ING2: variants seen among roughly 807,000 people sequenced by gnomAD.
ING2 encodes the protein inhibitor of growth protein 2.
A neutral mutation model predicts 30.6 loss-of-function variants in ING2; 7 were observed. That is an observed-to-expected ratio of 0.23 (90% confidence interval 0.13 to 0.43). The LOEUF (loss-of-function observed/expected upper bound fraction) is 0.43, where lower values mean the gene tolerates loss of function less well. Ranked by LOEUF, ING2 falls within the 20% of genes least tolerant of loss-of-function variation. ING2 has a pLI of 1.00. For missense variants in ING2, 239 were observed against 334.9 expected (o/e 0.71, Z 2.24); for synonymous variants, 136 against 121.7 (o/e 1.12, Z -0.78).
intron 1 of ING2, among the ~76,000 whole-genome samples, chr4:183,506,928 G>A (rs1734662662): frequency 2.0e-5 from 3 of 152,294 alleles, no homozygotes; most frequent in East Asian, 1.9e-4. Flanking sequence ...GCCTGCTACT[G>A]TAGATGCATA....
chr4:183,505,618 C>T (rs988885431), intron 1 of ING2, among the ~76,000 whole-genome samples: 4 of 152,090 alleles, frequency 2.6e-5, no homozygotes, highest in African/African-American at 9.7e-5. Flanking sequence ...GCTGCAGCTG[C>T]CGCTGAGGGG....
Position 183,510,468 on chromosome 4 carries a change from TACACTC to T in ING2, c.363_368del (p.His121_Ser122del). ...GAAAATCGGGCAAGACAAATGGAGTTACACTCACAGTGTTTCCAAGATCCTGCTGAA... is the reference window on the plus strand; with the variant it reads ...GAAAATCGGGCAAGACAAATGGAGTTACAGTGTTTCCAAGATCCTGCTGAA... On this transcript the variant is annotated inframe_deletion, in exon 2 of 2. Transcript: ENST00000302327. 1 of 1,614,154 alleles carries T rather than the reference TACACTC, an allele frequency of 6.2e-7. No individual in the cohort carries two copies. The highest frequency in any genetic ancestry group is 8.5e-7 in the Non-Finnish European group (1 of 1,180,026).
intron 1 of ING2, among the ~76,000 whole-genome samples, chr4:183,509,191 G>A (rs1734754498): frequency 1.3e-5 from 2 of 152,308 alleles, no homozygotes; most frequent in Admixed American, 6.5e-5. Flanking sequence ...TGAAAGTGAA[G>A]CTATATCTCC....
rs778784226 is a variant in ING2, at chr4:183,505,186, G to A, written c.-10G>A. 4 of 1,593,434 alleles carry A rather than the reference G, an allele frequency of 2.5e-6. No individual in the cohort carries two copies. The highest frequency in any genetic ancestry group is 2.4e-5 in the East Asian group (1 of 42,434). Reference sequence around the variant, plus strand: ...ATGCGGAGGCGGCGGCGACGGCGCGGATCGGCAGGATGTTAGGGCAGCAGC... The same window carrying A: ...ATGCGGAGGCGGCGGCGACGGCGCGAATCGGCAGGATGTTAGGGCAGCAGC... On this transcript the variant is annotated 5_prime_UTR_variant, in exon 1 of 2. Coordinates refer to ENST00000302327, the MANE Select transcript of ING2 (RefSeq NM_001564.4).
rs1022554438 is a variant in ING2 at position 183,506,402 on chromosome 4, C to T, written c.172+1035C>T. ...GGCAACCGCCTGGCGTCCCCGAGCC[C>T]CTCCTTCTCCGACTTTAAGTGTGGA... is the stretch of plus-strand genomic sequence containing the variant. On this transcript the variant is annotated intron_variant, in intron 1 of 1. Coordinates refer to ENST00000302327, the MANE Select transcript of ING2 (RefSeq NM_001564.4). 4 of 972,484 alleles carry T rather than the reference C, an allele frequency of 4.1e-6. No homozygotes were observed. In the Admixed American group the frequency reaches 7.0e-5, roughly 17 times the overall value. The allele number at this position is 972,484 out of a possible 1,614,324, so 60.2% of individuals were successfully genotyped here.
At chr4:183,505,490 T>C (rs557354686) in intron 1 of ING2, 123 bp downstream of exon 1, 1 of 997,094 alleles carries the variant, frequency 1.0e-6, no homozygotes, top group East Asian at 3.2e-5. Context: ...CGAGCGGGAC[T>C]GGGAGGACTG....
chr4:183,505,973 G>T (rs571203416), intron 1 of ING2: 28 of 612,656 alleles, frequency 4.6e-5, no homozygotes, highest in South Asian at 2.2e-4. Context: ...AGTTCTTTCG[G>T]CAAAATGGTT....
chr4:183,506,915 A>G (rs934761285), intron 1 of ING2, among the ~76,000 whole-genome samples: 1 of 152,256 alleles, frequency 6.6e-6, no homozygotes, highest in African/African-American at 2.4e-5. Flanking sequence ...ATTTGGCTCC[A>G]GAGCCTGCTA....
At chr4:183,505,851 C>T (rs940896204) in intron 1 of ING2, among the ~76,000 whole-genome samples, 1 of 151,974 alleles carries the variant, frequency 6.6e-6, no homozygotes, top group Non-Finnish European at 1.5e-5. Context: ...GCCGCGGAGG[C>T]GGACTGAGGG....
Position 183,510,567 on chromosome 4 carries a change from G to A in ING2, c.458G>A (p.Arg153His), listed in dbSNP as rs760325949. 5 of 1,614,028 alleles carry A rather than the reference G, an allele frequency of 3.1e-6. No homozygotes were observed. The highest frequency in any genetic ancestry group is 3.4e-6 in the Non-Finnish European group (4 of 1,180,042). The change falls in exon 2 of 2, where the codon CGC becomes CAC. Residue 153 changes from arginine (R) to histidine (H), a missense_variant. This residue lies in a region of ING2 where 115 missense variants were observed against 120.1 expected (regional missense o/e 0.96). Transcript: ENST00000302327. ...SQPERSSRRP[R>H]RQRTSESRDL... ...CCAGAAAGATCTTCAAGAAGACCCC[G>A]CAGGCAGCGGACCAGTGAAAGCCGT...
intron 1 of ING2, among the ~76,000 whole-genome samples, chr4:183,507,593 T>C (rs1734681991): frequency 6.6e-6 from 1 of 152,214 alleles, no homozygotes; most frequent in Non-Finnish European, 1.5e-5. Flanking sequence ...ATTATACAAA[T>C]TCTTAGCTCT....
chr4:183,510,766 A>G lies in ING2; in HGVS notation c.657A>G (p.Gln219=), dbSNP rs1734804066. The change falls in exon 2 of 2, where the codon CAA becomes CAG. Residue 219 remains glutamine (Q), a synonymous_variant. Transcript: ENST00000302327. ...PNEPTYCLCN[Q]VSYGEMIGCD... ...AACCTACATACTGCTTATGCAACCAAGTGTCTTATGGGGAGATGATAGGAT... is the reference window on the plus strand; with the variant it reads ...AACCTACATACTGCTTATGCAACCAGGTGTCTTATGGGGAGATGATAGGAT... 8 of 1,614,066 alleles carry G rather than the reference A, an allele frequency of 5.0e-6. No individual in the cohort carries two copies. The highest frequency in any genetic ancestry group is 1.3e-5 in the African/African-American group (1 of 74,918).
chr4:183,506,653 A>T (rs1734656829), intron 1 of ING2, among the ~76,000 whole-genome samples: 1 of 152,212 alleles, frequency 6.6e-6, no homozygotes, highest in Admixed American at 6.5e-5. Flanking sequence ...TTTTGTAGAC[A>T]CGCCAGTAAT....
chr4:183,506,091 G>A (rs1734637575), intron 1 of ING2: 19 of 1,189,532 alleles, frequency 1.6e-5, no homozygotes, highest in Non-Finnish European at 1.8e-5. Flanking sequence ...CGTGGGAGGG[G>A]CGCGGCGCGC....
rs1734800483 is a variant in ING2, at chr4:183,510,627, G to C, written c.518G>C (p.Cys173Ser). ...CACATGGCAAATGGGATTGAAGACT[G>C]TGATGATCAGCCACCTAAAGAAAAG... ...LCHMANGIEDCDDQPPKEKKS... is the reference protein window; with the variant it reads ...LCHMANGIEDSDDQPPKEKKS... Residue 173 changes from cysteine to serine, a missense_variant, in exon 2 of 2, where the codon TGT (cysteine) becomes TCT (serine). Transcript: ENST00000302327. 1 of 1,614,162 alleles carries C rather than the reference G, an allele frequency of 6.2e-7. No homozygotes were observed. Among genetic ancestry groups the C allele is most frequent in the Non-Finnish European group, 8.5e-7 (1 of 1,180,016 alleles).
rs142482355 is a variant in ING2, at chr4:183,506,273, C to G, written c.172+906C>G. 202 of 1,304,320 alleles carry G rather than the reference C, an allele frequency of 1.5e-4. No individual in the cohort carries two copies. In the African/African-American group the frequency reaches 2.7e-3, roughly 18 times the overall value. 80.8% of individuals were successfully genotyped at this position (1,304,320 alleles called of 1,614,324 possible). On this transcript the variant is annotated intron_variant, in intron 1 of 1. Coordinates refer to ENST00000302327, the MANE Select transcript of ING2 (RefSeq NM_001564.4). Reference sequence around the variant, plus strand: ...CCAACCTCTTTCCCAGTCAATGGATCAGGACGGCGATCAGCAGCTCGGACC... The same window carrying G: ...CCAACCTCTTTCCCAGTCAATGGATGAGGACGGCGATCAGCAGCTCGGACC...
rs528481495 is a variant in ING2, at chr4:183,505,140, C to A, written c.-56C>A. Reference sequence around the variant, plus strand: ...GCTGAGGGCCCGCGGCGGCCGCGGCCGGTGCATGTGCGGCTGCTGGATGCG... The same window carrying A: ...GCTGAGGGCCCGCGGCGGCCGCGGCAGGTGCATGTGCGGCTGCTGGATGCG... On this transcript the variant is annotated 5_prime_UTR_variant, in exon 1 of 2. Transcript: ENST00000302327. 1.1e-4 allele frequency: 163 copies of A among 1,503,364 alleles called. No individual in the cohort carries two copies. In the African/African-American group the frequency reaches 2.3e-3, roughly 21 times the overall value. 93.1% of individuals were successfully genotyped at this position (1,503,364 alleles called of 1,614,324 possible).
At chr4:183,506,935 C>A (rs1297791807) in intron 1 of ING2, among the ~76,000 whole-genome samples, 1 of 152,188 alleles carries the variant, frequency 6.6e-6, no homozygotes, top group Non-Finnish European at 1.5e-5. Context: ...ACTGTAGATG[C>A]ATATCTTTGT....
At chr4:183,506,380 A>G in intron 1 of ING2, 1 of 1,148,592 alleles carries the variant, frequency 8.7e-7, no homozygotes, top group Non-Finnish European at 1.2e-6. Flanking sequence ...TTGACTGGGC[A>G]ACCGCCTGGC....
Sources: gnomAD v4.1 joint callset for allele counts (sites outside exome capture counted in the v4.1 genomes callset) on GRCh38, gnomAD v4.1.1 for gene constraint, gnomAD v4.1.1 regional missense constraint, MANE v1.5 for transcripts, NCBI Gene and HGNC (gene_info 2026-07-23, HGNC 2026-07-21) for gene names.